Variants in PDE1A observed in about 807,000 individuals in gnomAD.
PDE1A encodes phosphodiesterase 1A.
Under a neutral mutation model 61.7 loss-of-function variants are expected in PDE1A, and 35 were observed. The ratio of observed to expected loss-of-function variants is 0.57; its 90% CI spans 0.43 to 0.75. The LOEUF (loss-of-function observed/expected upper bound fraction) is 0.75, where lower values mean the gene tolerates loss of function less well. Ranked by LOEUF, PDE1A falls within the 30% of genes least tolerant of loss-of-function variation. PDE1A has a pLI of 0.00. For missense variants in PDE1A, 597 were observed against 630.6 expected (o/e 0.95, Z 0.57); for synonymous variants, 232 against 213.2 (o/e 1.09, Z -0.77).
At chr2:182,650,464 C>A in the PDE1A span, among the ~76,000 whole-genome samples, 4 of 152,068 alleles carry the variant, frequency 2.6e-5, no homozygotes, top group Admixed American at 1.3e-4. Context: ...CAGTTAGCAC[C>A]TACTATAACC....
chr2:182,518,071 G>T (rs1030989224), intron 2 of PDE1A, among the ~76,000 whole-genome samples: 1 of 152,096 alleles, frequency 6.6e-6, no homozygotes, highest in African/African-American at 2.4e-5. Flanking sequence ...GATCAAGCTG[G>T]TATACAGTGA....
chr2:182,367,222 T>C (rs781208336), intron 1 of PDE1A, among the ~76,000 whole-genome samples: 8 of 152,060 alleles, frequency 5.3e-5, no homozygotes, highest in Non-Finnish European at 1.0e-4. Context: ...AGTTTAATAT[T>C]AGGGCTCTTT....
intron 1 of PDE1A, among the ~76,000 whole-genome samples, chr2:182,310,565 T>G (rs1695898064): frequency 6.6e-6 from 1 of 152,208 alleles, no homozygotes; most frequent in Admixed American, 6.5e-5. Flanking sequence ...CTTTGAGTGG[T>G]AGGCAAATAT....
chr2:182,565,037 CCTT>C, the PDE1A span, among the ~76,000 whole-genome samples: 133 of 152,292 alleles, frequency 8.7e-4, no homozygotes, highest in African/African-American at 3.1e-3. Flanking sequence ...TCGTCTGAAG[CCTT>C]CTTCTCTCAA....
chr2:182,692,430 A>G, the PDE1A span, among the ~76,000 whole-genome samples: 3 of 151,962 alleles, frequency 2.0e-5, no homozygotes, highest in African/African-American at 7.3e-5. Flanking sequence ...TAAAAAACCA[A>G]ACACCCCATG....
chr2:182,481,465 A>G (rs1270157563), intron 2 of PDE1A, among the ~76,000 whole-genome samples: 4 of 151,878 alleles, frequency 2.6e-5, no homozygotes, highest in African/African-American at 4.8e-5. Context: ...AAGTGAAAAA[A>G]TCTCCCAAAT....
rs763028857 is a variant in PDE1A, at chr2:182,186,630, T to G, written c.1208-42A>C. On this transcript the variant is annotated intron_variant, in intron 11 of 13. Coordinates refer to ENST00000351439, the Ensembl canonical transcript of PDE1A. ...GAGAAGAGAGAGAGATAAATTCAAG[T>G]GTTACAATTTCCTGAATTCTGAAAT... is the stretch of plus-strand genomic sequence containing the variant. 657 of 1,555,580 alleles carry G rather than the reference T, an allele frequency of 4.2e-4. 3 individuals carry two copies. Among genetic ancestry groups the G allele is most frequent in the Non-Finnish European group, 6.8e-5 (78 of 1,151,450 alleles).
intron 10 of PDE1A, among the ~76,000 whole-genome samples, chr2:182,196,600 A>G (rs1686151312): frequency 6.6e-6 from 1 of 151,880 alleles, no homozygotes; most frequent in South Asian, 2.1e-4. Context: ...TTACCCCCAG[A>G]AAGTTGCCTT....
chr2:182,574,302 C>T, the PDE1A span, among the ~76,000 whole-genome samples: 1 of 152,150 alleles, frequency 6.6e-6, no homozygotes, highest in East Asian at 1.9e-4. Flanking sequence ...TTTGGCAACA[C>T]CCTCACAGAC....
downstream of PDE1A, among the ~76,000 whole-genome samples, chr2:182,166,331 C>G (rs945114397): frequency 1.3e-5 from 2 of 152,082 alleles, no homozygotes; most frequent in African/African-American, 4.8e-5. Context: ...TGGGACAAAG[C>G]AGGTAGAAAA....
chr2:182,234,113 C>G (rs924014193), intron 4 of PDE1A, among the ~76,000 whole-genome samples: 1 of 151,930 alleles, frequency 6.6e-6, no homozygotes. Context: ...AAAATATGTA[C>G]ATTTTGACAA....
intron 2 of PDE1A, among the ~76,000 whole-genome samples, chr2:182,495,036 G>A (rs551901389): frequency 2.1e-4 from 32 of 152,218 alleles, no homozygotes; most frequent in African/African-American, 6.5e-4. Context: ...CCACTCTGTC[G>A]GGGGTGCTCG....
the PDE1A span, among the ~76,000 whole-genome samples, chr2:182,643,174 C>T: frequency 6.6e-5 from 10 of 152,236 alleles, no homozygotes; most frequent in African/African-American, 2.4e-4. Context: ...TTCCTGGCTG[C>T]TTGCTTCTGC....
At chr2:182,694,336 A>G in the PDE1A span, among the ~76,000 whole-genome samples, 7 of 152,210 alleles carry the variant, frequency 4.6e-5, no homozygotes, top group African/African-American at 1.7e-4. Context: ...ATATTGATAC[A>G]TATGTCTGTT....
the PDE1A span, among the ~76,000 whole-genome samples, chr2:182,673,196 G>A: frequency 1.3e-5 from 2 of 152,198 alleles, no homozygotes; most frequent in Non-Finnish European, 2.9e-5. Context: ...CCACTATGGT[G>A]ACTTCTATAA....
chr2:182,554,614 C>T, the PDE1A span, among the ~76,000 whole-genome samples: 2 of 152,066 alleles, frequency 1.3e-5, no homozygotes, highest in Non-Finnish European at 2.9e-5. Flanking sequence ...TAACTTTTTT[C>T]TCAAAGCTTC....
chr2:182,712,066 C>G, the PDE1A span, among the ~76,000 whole-genome samples: 7 of 152,272 alleles, frequency 4.6e-5, no homozygotes, highest in African/African-American at 1.7e-4. Flanking sequence ...ATGGATAGAC[C>G]ATAGGGTCAG....
chr2:182,447,314 A>G (rs888387831), intron 2 of PDE1A, among the ~76,000 whole-genome samples: 5 of 152,006 alleles, frequency 3.3e-5, no homozygotes, highest in African/African-American at 4.8e-5. Flanking sequence ...ACATGGCCAC[A>G]TAAGACCGTA....
the PDE1A span, among the ~76,000 whole-genome samples, chr2:182,606,863 C>T: frequency 1.3e-5 from 2 of 152,242 alleles, no homozygotes; most frequent in South Asian, 4.2e-4. Context: ...ACAAAGGTGT[C>T]ACCAAAATGC....
Sources: allele counts gnomAD v4.1 joint callset (sites outside exome capture counted in the v4.1 genomes callset), GRCh38; gene constraint gnomAD v4.1.1; transcripts MANE v1.5; gene names NCBI Gene and HGNC (gene_info 2026-07-23, HGNC 2026-07-21).